Variants in C4orf50 observed in about 807,000 individuals in gnomAD.
C4orf50 encodes uncharacterized protein C4orf50.
In C4orf50, 80 loss-of-function variants were observed where a neutral mutation model predicts 77.2. The observed-to-expected ratio is 1.04, with a 90% CI of 0.87 to 1.25. C4orf50 has a LOEUF of 1.25. Ranked by LOEUF, C4orf50 falls within the 50% of genes most tolerant of loss-of-function variation. C4orf50 has a pLI of 0.00. For synonymous variants in C4orf50, 532 were observed against 465.3 expected, an observed-to-expected ratio of 1.14 and a Z score of -1.84; for missense variants, 1,257 against 1,152.9, an observed-to-expected ratio of 1.09 and a Z score of -1.31.
chr4:6,002,378 T>C (rs1210070291), intron 25 of C4orf50, among the ~76,000 whole-genome samples: 1 of 152,150 alleles, frequency 6.6e-6, no homozygotes, highest in Non-Finnish European at 1.5e-5. Flanking sequence ...CTCCCAGACC[T>C]AGGAGAGAAT....
intron 33 of C4orf50, among the ~76,000 whole-genome samples, chr4:5,960,234 C>A (rs959191691): frequency 1.3e-5 from 2 of 152,228 alleles, no homozygotes; most frequent in Admixed American, 6.5e-5. Flanking sequence ...ACTCTTTCTA[C>A]GTCTCCTTTC....
intron 7 of C4orf50, among the ~76,000 whole-genome samples, chr4:5,943,284 G>A (rs73210748): frequency 0.087 from 13,231 of 152,266 alleles, 580 homozygotes; most frequent in African/African-American, 0.099. Context: ...GAACCGAACA[G>A]TATCTTCATG....
At chr4:6,002,755 C>T (rs1045143619) in intron 25 of C4orf50, among the ~76,000 whole-genome samples, 15 of 152,284 alleles carry the variant, frequency 9.9e-5, no homozygotes, top group Admixed American at 5.2e-4. Context: ...GAGCACCCAC[C>T]GCTGCCTCTG....
At chr4:5,989,048 T>A in exon 28 of C4orf50, 1 of 1,536,066 alleles carries the variant, frequency 6.5e-7, no homozygotes, top group East Asian at 2.4e-5. Context: ...AGGTCAGAGA[T>A]TGCCTGTAAA....
At chr4:5,983,504 C>G (rs1261138058) in intron 28 of C4orf50, among the ~76,000 whole-genome samples, 1 of 152,186 alleles carries the variant, frequency 6.6e-6, no homozygotes. Flanking sequence ...TTCTAACCTT[C>G]GAAGTCTCAG....
intron 33 of C4orf50, among the ~76,000 whole-genome samples, chr4:5,961,114 C>T (rs6830227): frequency 0.027 from 4,113 of 152,298 alleles, 191 homozygotes; most frequent in African/African-American, 0.094. Flanking sequence ...TTTATTTTAA[C>T]GTAGTTTAGC....
exon 28 of C4orf50, chr4:5,988,523 C>G: frequency 1.3e-6 from 2 of 1,538,078 alleles, no homozygotes; most frequent in Non-Finnish European, 1.7e-6. Flanking sequence ...GAATCAGCAC[C>G]GCGTCTGGAA....
chr4:5,943,666 G>C (rs1028582904), intron 7 of C4orf50, among the ~76,000 whole-genome samples: 3 of 152,196 alleles, frequency 2.0e-5, no homozygotes, highest in Non-Finnish European at 4.4e-5. Flanking sequence ...TCCTATCTGA[G>C]AGGCAGGAAG....
chr4:6,011,732 C>A lies in C4orf50; in HGVS notation c.426+98G>T. 2.5e-6 allele frequency: 1 copy of A among 398,568 alleles called. No individual in the cohort carries two copies. The highest frequency in any genetic ancestry group is 4.4e-6 in the Non-Finnish European group (1 of 226,096). 24.7% of individuals were successfully genotyped at this position (398,568 alleles called of 1,614,324 possible). ...ACCCTCCTGACTGGGCTCTCCCAGG[C>A]CCACCCTGTACTGTCTTTGCCCAAC... On this transcript the variant is annotated intron_variant, in intron 24 of 33. Coordinates refer to ENST00000531445, the Ensembl canonical transcript of C4orf50. This position sits in a 1 kb window ranked among gnomAD's most constrained non-coding sequence, Gnocchi z 4.2.
intron 7 of C4orf50, among the ~76,000 whole-genome samples, chr4:5,936,109 G>A (rs955756246): frequency 6.6e-6 from 1 of 151,900 alleles, no homozygotes; most frequent in African/African-American, 2.4e-5. Context: ...GGTAGTAGTT[G>A]GAACTCCCAC....
At chr4:5,968,264 C>G (rs1167377179) in intron 31 of C4orf50, among the ~76,000 whole-genome samples, 1 of 152,192 alleles carries the variant, frequency 6.6e-6, no homozygotes, top group Non-Finnish European at 1.5e-5. Flanking sequence ...TGAAGTCTTC[C>G]CTGACTCCAC....
chr4:5,999,805 G>A (rs549701098), intron 25 of C4orf50, among the ~76,000 whole-genome samples: 1 of 152,294 alleles, frequency 6.6e-6, no homozygotes, highest in East Asian at 1.9e-4. Context: ...AAGTCTTCCA[G>A]AGAAAGCAAC....
rs1722409437 is a variant in C4orf50 at position 6,009,703 on chromosome 4, C to T, written c.427-1171G>A. Among the ~76,000 whole-genome samples, 1 of 152,144 alleles carries T rather than the reference C, an allele frequency of 6.6e-6. No homozygotes were observed. On this transcript the variant is annotated intron_variant, in intron 24 of 33. Transcript: ENST00000531445. This position sits in a 1 kb window ranked among gnomAD's most constrained non-coding sequence, Gnocchi z 5.6. Reference sequence around the variant, plus strand: ...ATTGGCAGCAACAAAGCAAAACTGCCATTTGGTACATACAGGTGCAAAGGG... The same window carrying T: ...ATTGGCAGCAACAAAGCAAAACTGCTATTTGGTACATACAGGTGCAAAGGG...
At chr4:5,918,040 G>A (rs570940031) in intron 7 of C4orf50, among the ~76,000 whole-genome samples, 1 of 152,158 alleles carries the variant, frequency 6.6e-6, no homozygotes, top group Non-Finnish European at 1.5e-5. Flanking sequence ...GGTAACGAAA[G>A]GGCAACATTT....
Position 5,952,096 on chromosome 4 carries a change from T to C in C4orf50, c.*2474+4805A>G, listed in dbSNP as rs1718749457. Among the ~76,000 whole-genome samples, 1 of 152,140 alleles carries C rather than the reference T, an allele frequency of 6.6e-6. No homozygotes were observed. Among genetic ancestry groups the C allele is most frequent in the Non-Finnish European group, 1.5e-5 (1 of 68,014 alleles). On this transcript the variant is annotated intron_variant, in intron 7 of 7. Coordinates refer to the C4orf50 transcript ENST00000324058. This position sits in a 1 kb window ranked among gnomAD's most constrained non-coding sequence, Gnocchi z 4.4. ...TTCATGGAGTCATTCAACAAGCATG[T>C]ATTAAGCCCTGGGAGGAGCCAGGCA...
chr4:5,969,401 A>C (rs1719770401), intron 31 of C4orf50, among the ~76,000 whole-genome samples: 1 of 150,432 alleles, frequency 6.6e-6, no homozygotes, highest in South Asian at 2.1e-4. Flanking sequence ...TCCATTTCCA[A>C]AAGCCCGCAA....
In C4orf50 at chr4:6,015,473, T is replaced by C. The variant is rs1722647740; in HGVS notation, c.287+2672A>G. Among the ~76,000 whole-genome samples the C allele has an allele frequency of 6.6e-6, 1 of 151,642 alleles. No individual in the cohort carries two copies. Among genetic ancestry groups the C allele is most frequent in the Non-Finnish European group, 1.5e-5 (1 of 67,978 alleles). ...TGTGAGAAAATAAGTTTTTGTTAAG[T>C]CACCCAGGTCTGCAAATAATGCCAT... On this transcript the variant is annotated intron_variant, in intron 23 of 33. Transcript: ENST00000531445. This position sits in a 1 kb window ranked among gnomAD's most constrained non-coding sequence, Gnocchi z 4.4.
chr4:5,937,589 T>C (rs528874879), intron 7 of C4orf50, among the ~76,000 whole-genome samples: 43 of 152,310 alleles, frequency 2.8e-4, no homozygotes, highest in Admixed American at 4.6e-4. Context: ...ATATATCAGT[T>C]ATCATAATCA....
intron 7 of C4orf50, among the ~76,000 whole-genome samples, chr4:5,915,384 A>C (rs1389324946): frequency 6.6e-6 from 1 of 152,236 alleles, no homozygotes; most frequent in Non-Finnish European, 1.5e-5. Flanking sequence ...TTCATTAGCC[A>C]ACCAACAGCT....
Sources: allele counts gnomAD v4.1 joint callset (sites outside exome capture counted in the v4.1 genomes callset), GRCh38; gene constraint gnomAD v4.1.1; non-coding constraint Gnocchi (gnomAD v3.1); transcripts MANE v1.5; gene names NCBI Gene and HGNC (gene_info 2026-07-23, HGNC 2026-07-21).